OR5D3: variants seen among roughly 807,000 people sequenced by gnomAD.
OR5D3 encodes olfactory receptor family 5 subfamily D member 3, also known as olfactory receptor 5D3.
At chr11:55,726,216 G>A in the OR5D3 span, 1 of 399,032 alleles carries the variant, frequency 2.5e-6, no homozygotes, top group Non-Finnish European at 4.4e-6. Context: ...TTTCTCACAG[G>A]ATTCAAAAAA....
chr11:55,727,631 C>A, the OR5D3 span: 1 of 151,962 alleles, frequency 6.6e-6, no homozygotes, highest in Non-Finnish European at 1.5e-5. Context: ...AGAAAATTAT[C>A]TTCCTTACGA....
At chr11:55,726,339 T>A in the OR5D3 span, 1 of 458,750 alleles carries the variant, frequency 2.2e-6, no homozygotes, top group Non-Finnish European at 3.9e-6. Context: ...TGATGGGGAA[T>A]CTGGGCATGA....
the OR5D3 span, chr11:55,726,808 A>C: frequency 2.5e-6 from 1 of 398,892 alleles, no homozygotes; most frequent in Admixed American, 4.4e-5. Flanking sequence ...CCAGAAGGTC[A>C]TTTTAGTTTC....
the OR5D3 span, among the ~76,000 whole-genome samples, chr11:55,725,641 A>G: frequency 6.6e-6 from 1 of 152,080 alleles, no homozygotes; most frequent in Non-Finnish European, 1.5e-5. Context: ...TGAGTTCAAC[A>G]TGCATGAGAA....
At chr11:55,726,952 G>A in the OR5D3 span, 3 of 400,060 alleles carry the variant, frequency 7.5e-6, no homozygotes, top group East Asian at 3.5e-5. Context: ...CCACCTGACC[G>A]CCATTACCAT....
the OR5D3 span, among the ~76,000 whole-genome samples, chr11:55,725,344 TCCTG>T: frequency 6.6e-6 from 1 of 152,022 alleles, no homozygotes; most frequent in African/African-American, 2.4e-5. Flanking sequence ...AGATGGGTCT[TCCTG>T]ACACTTATTC....
the OR5D3 span, chr11:55,726,137 A>G: frequency 5.0e-6 from 2 of 397,604 alleles, no homozygotes; most frequent in Non-Finnish European, 8.9e-6. Context: ...AAGTCTCTCA[A>G]TATTTCTTCC....
chr11:55,724,823 AT>A, the OR5D3 span, among the ~76,000 whole-genome samples: 2 of 152,022 alleles, frequency 1.3e-5, no homozygotes, highest in Non-Finnish European at 2.9e-5. Flanking sequence ...TAGTGTTAAG[AT>A]TTTTATAAAT....
chr11:55,726,689 A>G, the OR5D3 span: 1 of 399,572 alleles, frequency 2.5e-6, no homozygotes, highest in Non-Finnish European at 4.4e-6. Flanking sequence ...TCCTTAACAT[A>G]CACATATTTT....
the OR5D3 span, among the ~76,000 whole-genome samples, chr11:55,725,216 T>C: frequency 6.6e-6 from 1 of 152,072 alleles, no homozygotes; most frequent in African/African-American, 2.4e-5. Flanking sequence ...TAGCAATCTT[T>C]CTGCTTCCAT....
the OR5D3 span, chr11:55,728,603 G>A: frequency 6.6e-6 from 1 of 152,068 alleles, no homozygotes; most frequent in Non-Finnish European, 1.5e-5. Context: ...CACAGAATAT[G>A]AAGTCAACCA....
chr11:55,723,986 T>C, the OR5D3 span: 1 of 398,020 alleles, frequency 2.5e-6, no homozygotes. Context: ...GCGGGAGCAT[T>C]ATTGGAGTTC....
chr11:55,726,535 G>A, the OR5D3 span: 1 of 418,336 alleles, frequency 2.4e-6, no homozygotes, highest in Non-Finnish European at 4.3e-6. Context: ...CTGTATATTT[G>A]TGGTGACAGA....
At chr11:55,726,602 T>C in the OR5D3 span, 1 of 403,132 alleles carries the variant, frequency 2.5e-6, no homozygotes, top group Admixed American at 4.4e-5. Context: ...TGTAACCCTC[T>C]GCTTTACACA....
the OR5D3 span, among the ~76,000 whole-genome samples, chr11:55,724,767 C>G: frequency 2.0e-5 from 3 of 151,940 alleles, no homozygotes; most frequent in African/African-American, 7.3e-5. Context: ...AAGGACATTT[C>G]AAATTGAGGA....
At chr11:55,727,473 T>G in the OR5D3 span, 5 of 166,568 alleles carry the variant, frequency 3.0e-5, no homozygotes, top group Non-Finnish European at 6.4e-5. Flanking sequence ...TGAAGAATAG[T>G]AGTTTATAAT....
chr11:55,727,328 C>T, the OR5D3 span: 1 of 377,614 alleles, frequency 2.6e-6, no homozygotes, highest in East Asian at 3.8e-5. Context: ...GAATCTCAGA[C>T]CATTTAAACT....
At chr11:55,724,043 C>T in the OR5D3 span, 1 of 397,662 alleles carries the variant, frequency 2.5e-6, no homozygotes, top group Non-Finnish European at 4.4e-6. Flanking sequence ...ACTCAGATGC[C>T]TCTGTATTTA....
the OR5D3 span, chr11:55,726,525 C>T: frequency 2.4e-6 from 1 of 422,842 alleles, no homozygotes; most frequent in Non-Finnish European, 4.2e-6. Context: ...TCTTCTTTGC[C>T]TGTATATTTG....
Sources: gnomAD v4.1 joint callset for allele counts (sites outside exome capture counted in the v4.1 genomes callset) on GRCh38, gnomAD v4.1.1 for gene constraint, MANE v1.5 for transcripts, NCBI Gene and HGNC (gene_info 2026-07-23, HGNC 2026-07-21) for gene names.